SPTAN1: variants seen among roughly 807,000 people sequenced by gnomAD.
SPTAN1 encodes the protein spectrin alpha, non-erythrocytic 1, also known as spectrin alpha chain, non-erythrocytic 1.
Under a neutral mutation model 331.3 loss-of-function variants are expected in SPTAN1, and 61 were observed. That is an observed-to-expected ratio of 0.18 (90% CI 0.15 to 0.23). SPTAN1 has a LOEUF of 0.23. SPTAN1 is among the 10% of genes least tolerant of loss of function. SPTAN1 has a pLI of 1.00. For missense variants in SPTAN1, 2,043 were observed against 3,147.9 expected (o/e 0.65, Z 8.40); for synonymous variants, 1,153 against 1,173.9 (o/e 0.98, Z 0.36).
chr9:128,630,158 A>C, intron 51 of SPTAN1, 163 bp from the exon 52 acceptor site: 1 of 809,336 alleles, frequency 1.2e-6, no homozygotes, highest in Non-Finnish European at 2.2e-6. Context: ...CCATCCCTCG[A>C]TCCCTGGGGC....
At chr9:128,626,026 G>A in intron 48 of SPTAN1, 48 bp downstream of exon 48, 1 of 1,605,436 alleles carries the variant, frequency 6.2e-7, no homozygotes, top group Non-Finnish European at 8.5e-7. Context: ...GCTCAAGGAA[G>A]GACGCCCACC....
intron 43 of SPTAN1, 129 bp from the exon 44 acceptor site, chr9:128,618,742 C>A: frequency 7.0e-7 from 1 of 1,421,140 alleles, no homozygotes; most frequent in Admixed American, 1.7e-5. Context: ...CTCGGCCTCC[C>A]AAAGTGCTGG....
chr9:128,627,956 TCTTC>T lies in SPTAN1; in HGVS notation c.6707+19_6707+22del, dbSNP rs1361602074. On this transcript the variant is annotated intron_variant, in intron 51 of 56. Transcript: ENST00000372739. This position sits in a 1 kb window ranked among gnomAD's most constrained non-coding sequence, Gnocchi z 4.9. ...CCTCCTCGATGGGTTAATATTGTTT[TCTTC>T]CTTCTCTGGGCTTGTCATGTGGGGG... 9 of 1,614,220 alleles carry T rather than the reference TCTTC, an allele frequency of 5.6e-6. No homozygotes were observed. The East Asian group carries it at 2.0e-4, about 36-fold the overall frequency.
intron 1 of SPTAN1, among the ~76,000 whole-genome samples, chr9:128,553,746 T>A (rs1281211537): frequency 6.6e-6 from 1 of 152,246 alleles, no homozygotes; most frequent in African/African-American, 2.4e-5. Context: ...CTAAAATATT[T>A]AAGCCCTTTG....
At chr9:128,591,334 G>A in intron 21 of SPTAN1, 143 bp from the exon 22 acceptor site, 2 of 1,013,806 alleles carry the variant, frequency 2.0e-6, no homozygotes, top group Non-Finnish European at 3.0e-6. Flanking sequence ...CCAAAGTGCT[G>A]GGATTATAGG....
At chr9:128,603,709 A>T in intron 28 of SPTAN1, 119 bp downstream of exon 28, 2 of 1,250,424 alleles carry the variant, frequency 1.6e-6, no homozygotes, top group Non-Finnish European at 2.4e-6. Context: ...ATCTCACTCT[A>T]TTGGGTCCAA....
intron 26 of SPTAN1, chr9:128,599,705 AAG>A (rs1854822688): frequency 4.8e-6 from 1 of 208,382 alleles, no homozygotes; most frequent in East Asian, 1.3e-4. Context: ...AAAAAAAAAA[AAG>A]TCTTCTGTCT....
chr9:128,599,016 G>A (rs777617542), intron 26 of SPTAN1, 30 bp downstream of exon 26: 7 of 1,609,580 alleles, frequency 4.3e-6, no homozygotes, highest in East Asian at 4.5e-5. Context: ...TGTGGATCTT[G>A]AACATGAGAA....
chr9:128,592,910 A>C, intron 22 of SPTAN1, 73 bp from the exon 23 acceptor site: 1 of 1,377,956 alleles, frequency 7.3e-7, no homozygotes, highest in Non-Finnish European at 1.0e-6. Context: ...CACCAGTCGG[A>C]GCTGCTGCCT....
chr9:128,603,702 T>G, intron 28 of SPTAN1, 112 bp downstream of exon 28: 1 of 1,303,606 alleles, frequency 7.7e-7, no homozygotes, highest in Non-Finnish European at 1.1e-6. Flanking sequence ...GTGACATATC[T>G]CACTCTATTG....
In SPTAN1 at chr9:128,591,546, C is replaced by T; in HGVS notation, c.3076C>T (p.Pro1026Ser). Reference sequence around the variant, plus strand: ...GGCTGCGTACGTGAAGAAATTGGACCCCGCCCAGTCAGCCTCCCGGGAGAA... The same window carrying T: ...GGCTGCGTACGTGAAGAAATTGGACTCCGCCCAGTCAGCCTCCCGGGAGAA... ...VPAAYVKKLD[P>S]AQSASRENLL... The change falls in exon 22 of 57, where the codon CCC (proline) becomes TCC (serine). Residue 1026 changes from proline to serine, a missense_variant. By Grantham distance (74) the Pro-to-Ser change is moderately conservative (BLOSUM62 -1). Coordinates refer to ENST00000372739, the MANE Select transcript of SPTAN1 (RefSeq NM_001130438.3). 1.2e-6 allele frequency: 2 copies of T among 1,614,132 alleles called. No homozygotes were observed. The highest frequency in any genetic ancestry group is 2.2e-5 in the South Asian group (2 of 91,084).
rs1431977681 is a variant in SPTAN1, at chr9:128,608,196, G to A, written c.4411G>A (p.Glu1471Lys). The change falls in exon 34 of 57, where the codon GAA becomes AAA. Residue 1471 changes from glutamate (E) to lysine (K), a missense_variant. Glu to Lys is a moderately conservative substitution (Grantham distance 56, BLOSUM62 1). Coordinates refer to ENST00000372739, the MANE Select transcript of SPTAN1 (RefSeq NM_001130438.3). ...TGCCCGGGAGGCCTTCTTGAATACC[G>A]AAGACAAAGGAGACTCACTGGACAG... ...MAAREAFLNTEDKGDSLDSVE... is the reference protein window; with the variant it reads ...MAAREAFLNTKDKGDSLDSVE... 18 of 1,614,154 alleles carry A rather than the reference G, an allele frequency of 1.1e-5. No homozygotes were observed. The highest frequency in any genetic ancestry group is 1.4e-5 in the Non-Finnish European group (17 of 1,180,020).
rs754818642 is a variant in SPTAN1, at chr9:128,617,992, C to G, written c.5484C>G (p.Val1828=). ...TCCTCGTCCTTGCCTGTCAGGGTGT[C>G]CTGGACACTGGCAAGAAGCTGTCCG... ...LAAHEPAIQG[V]LDTGKKLSDD... is the part of the protein sequence containing the mutation. Residue 1828 remains valine, a synonymous_variant, in exon 43 of 57, where the codon GTC becomes GTG. Coordinates refer to ENST00000372739, the MANE Select transcript of SPTAN1 (RefSeq NM_001130438.3). 4.3e-6 allele frequency: 7 copies of G among 1,614,134 alleles called. No individual in the cohort carries two copies. The East Asian group carries it at 1.6e-4, about 36-fold the overall frequency.
chr9:128,615,588 T>C, intron 40 of SPTAN1, 44 bp from the exon 41 acceptor site: 1 of 1,603,968 alleles, frequency 6.2e-7, no homozygotes, highest in Non-Finnish European at 8.5e-7. Flanking sequence ...AGCAGATAGC[T>C]GTGGGAGACC....
Position 128,617,613 on chromosome 9 carries a change from C to T in SPTAN1, c.5358-27C>T, listed in dbSNP as rs1020326408. ...GAAAGCAGGGAGGTGCAGAGACTGA[C>T]TGTGCTGTTTCCCATCTCTCATTCA... On this transcript the variant is annotated intron_variant, in intron 41 of 56. Transcript: ENST00000372739. 2.0e-5 allele frequency: 33 copies of T among 1,614,074 alleles called. No homozygotes were observed. In the African/African-American group the frequency reaches 3.3e-4, roughly 16 times the overall value.
At chr9:128,611,430 A>G (rs1856544907) in intron 37 of SPTAN1, among the ~76,000 whole-genome samples, 1 of 152,074 alleles carries the variant, frequency 6.6e-6, no homozygotes, top group Non-Finnish European at 1.5e-5. Context: ...AGATTACGCC[A>G]CTGCACTCCA....
At chr9:128,562,807 T>C (rs1207021289) in intron 1 of SPTAN1, among the ~76,000 whole-genome samples, 1 of 151,126 alleles carries the variant, frequency 6.6e-6, no homozygotes. Flanking sequence ...TACTAAAAAA[T>C]AGAAAATATT....
chr9:128,624,493 C>T lies in SPTAN1; in HGVS notation c.5992+6C>T. 1 of 1,612,606 alleles carries T rather than the reference C, an allele frequency of 6.2e-7. No individual in the cohort carries two copies. Among genetic ancestry groups the T allele is most frequent in the Middle Eastern group, 1.9e-4 (1 of 5,264 alleles). On this transcript the variant is annotated splice_donor_region_variant and intron_variant, in intron 46 of 56. Transcript: ENST00000372739. ...CGTGGTGGAGTCCTGGATCGGTGAG[C>T]ACTGTCAGCAAGGCCCGGAAGAGCC...
chr9:128,558,413 G>C (rs955351709), intron 1 of SPTAN1, among the ~76,000 whole-genome samples: 1 of 152,040 alleles, frequency 6.6e-6, no homozygotes, highest in East Asian at 1.9e-4. Flanking sequence ...TAAACATATA[G>C]AGAATATACT....
Sources: allele counts gnomAD v4.1 joint callset (sites outside exome capture counted in the v4.1 genomes callset), GRCh38; gene constraint gnomAD v4.1.1; non-coding constraint Gnocchi (gnomAD v3.1); transcripts MANE v1.5; gene names NCBI Gene and HGNC (gene_info 2026-07-23, HGNC 2026-07-21).